RYK: variants seen among roughly 807,000 people sequenced by gnomAD.
The protein encoded by RYK is receptor like tyrosine kinase.
RYK carries 21 observed loss-of-function variants against 70.2 expected under a neutral mutation model. The ratio of observed to expected loss-of-function variants is 0.30; its 90% CI spans 0.21 to 0.43. The LOEUF (loss-of-function observed/expected upper bound fraction) is 0.43. Among genes scored for constraint, RYK ranks in the 20% least tolerant of loss-of-function variants. The probability of loss-of-function intolerance (pLI) is 1.00; values close to 1 mark genes in which losing one functional copy is unlikely to be tolerated. For synonymous variants in RYK, 267 were observed against 278.0 expected, an observed-to-expected ratio of 0.96 and a Z score of 0.39; for missense variants, 604 against 753.3, an observed-to-expected ratio of 0.80 and a Z score of 2.32.
intron 2 of RYK, 41 bp downstream of exon 2, chr3:134,222,377 G>C (rs753520623): frequency 3.3e-5 from 53 of 1,610,406 alleles, no homozygotes; most frequent in Non-Finnish European, 2.9e-5. Flanking sequence ...TCTGTGGCTG[G>C]GTGACCCTGT....
At chr3:134,243,788 C>T (rs1008633172) in intron 1 of RYK, among the ~76,000 whole-genome samples, 3 of 152,148 alleles carry the variant, frequency 2.0e-5, no homozygotes, top group African/African-American at 7.2e-5. Flanking sequence ...GTCTCCCCTC[C>T]GCCCTTTCCA....
chr3:134,246,303 T>TACACACAC (rs71139521), intron 1 of RYK, among the ~76,000 whole-genome samples: 6 of 89,194 alleles, frequency 6.7e-5, no homozygotes, highest in African/African-American at 2.0e-4. Flanking sequence ...CAGAAAGAAA[T>TACACACAC]ACACACACAC....
chr3:134,166,317 C>T (rs2012665280), intron 13 of RYK, among the ~76,000 whole-genome samples: 1 of 152,122 alleles, frequency 6.6e-6, no homozygotes. Context: ...AGGAAAGGGG[C>T]TCTCAACAGA....
chr3:134,207,546 T>C, intron 4 of RYK, 21 bp from the exon 5 acceptor site: 1 of 1,490,942 alleles, frequency 6.7e-7, no homozygotes, highest in Non-Finnish European at 9.1e-7. Flanking sequence ...AGGAGAAAAA[T>C]GATGCTTTAG....
Position 134,195,163 on chromosome 3 carries a change from A to T in RYK, c.808T>A (p.Ser270Thr), listed in dbSNP as rs1342072295. 8.1e-6 allele frequency: 13 copies of T among 1,612,516 alleles called. No homozygotes were observed. The highest frequency in any genetic ancestry group is 1.3e-5 in the African/African-American group (1 of 74,986). Residue 270 changes from serine to threonine, a missense_variant, in exon 7 of 15, where the codon TCC (serine) becomes ACC (threonine). Coordinates refer to ENST00000623711, the MANE Select transcript of RYK (RefSeq NM_002958.4). The part of the protein sequence containing the change: ...LDDSISASSS[S>T]QGLSQPSTQT... ...GTGGATGGCTGAGACAGCCCTTGGG[A>T]ACTACTGCTGGCACTAATGCTGCAA...
chr3:134,242,665 A>T (rs999244697), intron 1 of RYK, among the ~76,000 whole-genome samples: 1 of 152,230 alleles, frequency 6.6e-6, no homozygotes, highest in African/African-American at 2.4e-5. Context: ...ACCAAAAGTA[A>T]TGCTATGGAA....
intron 5 of RYK, 23 bp from the exon 6 acceptor site, chr3:134,202,897 A>C: frequency 1.2e-6 from 2 of 1,604,768 alleles, no homozygotes; most frequent in Non-Finnish European, 1.7e-6. Flanking sequence ...CAAAAAGCAC[A>C]TTTAGCTTTT....
chr3:134,204,628 C>CACACAT (rs2014149427), intron 5 of RYK, among the ~76,000 whole-genome samples: 2 of 150,268 alleles, frequency 1.3e-5, no homozygotes, highest in African/African-American at 4.9e-5. Flanking sequence ...CACACACACA[C>CACACAT]GCAGAAGCAA....
intron 6 of RYK, among the ~76,000 whole-genome samples, chr3:134,200,691 A>G (rs1351938802): frequency 6.6e-6 from 1 of 152,226 alleles, no homozygotes; most frequent in African/African-American, 2.4e-5. Flanking sequence ...TCTGCTTTAC[A>G]GAGGAGAACT....
At chr3:134,178,970 T>A (rs75023501) in intron 10 of RYK, 1 of 152,162 alleles carries the variant, frequency 6.6e-6, no homozygotes, top group Non-Finnish European at 1.5e-5. Flanking sequence ...AAACATTTAA[T>A]AACAAATAAC....
At chr3:134,246,323 CACACACACACACACACACACAG>C in intron 1 of RYK, among the ~76,000 whole-genome samples, 1 of 145,700 alleles carries the variant, frequency 6.9e-6, no homozygotes, top group East Asian at 2.1e-4. Context: ...CACACACACA[CACACACACACACACACACACAG>C]AGAGAGAGAA....
intron 1 of RYK, among the ~76,000 whole-genome samples, chr3:134,238,504 C>G (rs115198528): frequency 0.012 from 1,877 of 152,266 alleles, 50 homozygotes; most frequent in African/African-American, 0.043. Flanking sequence ...TAAAGAAAAG[C>G]AGGTAAGCCT....
intron 13 of RYK, among the ~76,000 whole-genome samples, chr3:134,168,776 T>G (rs551322526): frequency 1.3e-4 from 19 of 151,960 alleles, no homozygotes; most frequent in Admixed American, 9.2e-4. Flanking sequence ...TAATAAAAAA[T>G]AAAATAATAA....
At chr3:134,159,070 C>T (rs754041472) in intron 14 of RYK, among the ~76,000 whole-genome samples, 167 bp downstream of exon 14, 1 of 152,040 alleles carries the variant, frequency 6.6e-6, no homozygotes, top group Non-Finnish European at 1.5e-5. Flanking sequence ...AAAGAGTGAA[C>T]GAATCTCCCT....
chr3:134,175,478 G>C, intron 13 of RYK, 131 bp downstream of exon 13: 1 of 1,049,020 alleles, frequency 9.5e-7, no homozygotes. Flanking sequence ...AATTACACTT[G>C]CTTTCTGGAT....
chr3:134,204,801 C>G (rs2014164694), intron 5 of RYK, among the ~76,000 whole-genome samples: 1 of 152,072 alleles, frequency 6.6e-6, no homozygotes, highest in African/African-American at 2.4e-5. Context: ...GGGGTTTATC[C>G]TAAGTGAGAT....
chr3:134,182,729 A>G (rs1424117983), intron 10 of RYK, among the ~76,000 whole-genome samples: 1 of 152,216 alleles, frequency 6.6e-6, no homozygotes, highest in Non-Finnish European at 1.5e-5. Flanking sequence ...ATGTGCACAT[A>G]AATATGTATA....
chr3:134,187,721 C>CT (rs77809666), intron 9 of RYK, among the ~76,000 whole-genome samples: 2,381 of 136,906 alleles, frequency 0.017, 32 homozygotes, highest in South Asian at 0.047. Context: ...CACCCAGCTA[C>CT]TTTTTTTTTT....
At chr3:134,248,713 A>C (rs989537763) in intron 1 of RYK, among the ~76,000 whole-genome samples, 2 of 151,958 alleles carry the variant, frequency 1.3e-5, no homozygotes, top group Non-Finnish European at 2.9e-5. Context: ...CAGGTGAATC[A>C]CCTGAACCCA....
Sources: gnomAD v4.1 joint callset for allele counts (sites outside exome capture counted in the v4.1 genomes callset) on GRCh38, gnomAD v4.1.1 for gene constraint, MANE v1.5 for transcripts, NCBI Gene and HGNC (gene_info 2026-07-23, HGNC 2026-07-21) for gene names.